RPN2: variants seen among roughly 807,000 people sequenced by gnomAD.
RPN2 encodes the protein dolichyl-diphosphooligosaccharide--protein glycosyltransferase subunit 2.
A neutral mutation model predicts 71.4 loss-of-function variants in RPN2; 29 were observed. That is an observed-to-expected ratio of 0.41 (90% confidence interval 0.30 to 0.55). The LOEUF (loss-of-function observed/expected upper bound fraction) is 0.55, where lower values mean the gene tolerates loss of function less well. Ranked by LOEUF, RPN2 falls within the 20% of genes least tolerant of loss-of-function variation. The pLI, the probability that RPN2 is intolerant of heterozygous loss-of-function variation, is 0.35. For missense variants in RPN2, 726 were observed against 774.1 expected (o/e 0.94, Z 0.74); for synonymous variants, 308 against 305.0 (o/e 1.01, Z -0.10).
At position 37,228,559 on chromosome 20, in the gene RPN2, C is replaced by T; in HGVS notation, c.1309C>T (p.Arg437Ter). Residue 437 changes from arginine (R) to a stop codon, truncating the protein, a stop_gained, in exon 12 of 17, where the codon CGA becomes TGA. Transcript: ENST00000237530. LOFTEE classifies it high-confidence loss of function. ...AELTPHQTFVRLHNQKTGQEV... is the reference protein window; with the variant it reads ...AELTPHQTFV ...TTATTCTTCCATCTAGACATTTGTC[C>T]GACTCCATAACCAGAAGACTGGCCA... 1 of 1,613,962 alleles carries T rather than the reference C, an allele frequency of 6.2e-7. No homozygotes were observed. The highest frequency in any genetic ancestry group is 8.5e-7 in the Non-Finnish European group (1 of 1,179,858).
intron 11 of RPN2, among the ~76,000 whole-genome samples, chr20:37,226,080 C>G (rs1286651574): frequency 6.6e-6 from 1 of 152,022 alleles, no homozygotes; most frequent in African/African-American, 2.4e-5. Context: ...ATTCCTTCCT[C>G]CCTCCCTCCC....
chr20:37,217,932 T>G (rs2067856999), intron 9 of RPN2, among the ~76,000 whole-genome samples: 1 of 151,848 alleles, frequency 6.6e-6, no homozygotes, highest in South Asian at 2.1e-4. Flanking sequence ...GACGGGGTTT[T>G]GCCTTGTTGG....
At chr20:37,201,685 C>G (rs1210579500) in intron 4 of RPN2, among the ~76,000 whole-genome samples, 2 of 152,258 alleles carry the variant, frequency 1.3e-5, no homozygotes, top group African/African-American at 4.8e-5. Context: ...ATATGCAAAC[C>G]TGGAGAATGT....
At chr20:37,238,977 A>G (rs969493819) in intron 16 of RPN2, among the ~76,000 whole-genome samples, 2 of 152,188 alleles carry the variant, frequency 1.3e-5, no homozygotes, top group Non-Finnish European at 2.9e-5. Context: ...CCAGGTTCCT[A>G]GCACTCAGGG....
chr20:37,232,479 C>A, intron 14 of RPN2, 88 bp downstream of exon 14: 3 of 1,501,480 alleles, frequency 2.0e-6, no homozygotes, highest in South Asian at 1.1e-5. Context: ...TGTTGTCTGG[C>A]CTCAGTAAAG....
chr20:37,201,753 C>T (rs367654563), intron 4 of RPN2, among the ~76,000 whole-genome samples: 4 of 152,164 alleles, frequency 2.6e-5, no homozygotes, highest in East Asian at 1.9e-4. Context: ...TACTAATTTG[C>T]GCTATTAAAG....
At chr20:37,182,427 C>G (rs1219170286) in intron 1 of RPN2, among the ~76,000 whole-genome samples, 1 of 151,916 alleles carries the variant, frequency 6.6e-6, no homozygotes, top group Non-Finnish European at 1.5e-5. Context: ...GTCTCTCTTT[C>G]TCACCCAGGG....
chr20:37,211,390 C>A (rs1343059932), intron 8 of RPN2, among the ~76,000 whole-genome samples: 1 of 150,698 alleles, frequency 6.6e-6, no homozygotes, highest in African/African-American at 2.4e-5. Flanking sequence ...GTAATCCCAG[C>A]ACTTTGGGGG....
rs765214512 is a variant in RPN2, at chr20:37,204,800, G to A, written c.589G>A (p.Val197Met). Residue 197 changes from valine to methionine, a missense_variant, in exon 6 of 17, where the codon GTG becomes ATG. Coordinates refer to ENST00000237530, the MANE Select transcript of RPN2 (RefSeq NM_002951.5). The stretch of plus-strand genomic sequence containing the variant: ...TGCTCGCCTGGATGAACTCGGGGGC[G>A]TGTATCTCCAGTTTGAAGAAGGACT... Reference protein sequence around the residue: ...LVARLDELGGVYLQFEEGLET... With the variant: ...LVARLDELGGMYLQFEEGLET... The A allele has an allele frequency of 5.6e-6, 9 of 1,614,008 alleles. No homozygotes were observed. The highest frequency in any genetic ancestry group is 1.1e-5 in the South Asian group (1 of 91,094).
At chr20:37,208,981 T>G (rs946916495) in intron 7 of RPN2, among the ~76,000 whole-genome samples, 2 of 152,190 alleles carry the variant, frequency 1.3e-5, no homozygotes, top group African/African-American at 4.8e-5. Flanking sequence ...GGGTAGAAAG[T>G]AACCTGAGTA....
At chr20:37,220,204 TGA>T (rs773409435) in intron 9 of RPN2, among the ~76,000 whole-genome samples, 2 of 151,962 alleles carry the variant, frequency 1.3e-5, no homozygotes, top group Non-Finnish European at 1.5e-5. Flanking sequence ...TGTGTGTGTG[TGA>T]GTGTGAGAGA....
At chr20:37,199,274 T>C (rs1288148481) in intron 4 of RPN2, 49 bp downstream of exon 4, 1 of 1,604,304 alleles carries the variant, frequency 6.2e-7, no homozygotes, top group Non-Finnish European at 8.5e-7. Flanking sequence ...TCTCGGGTCC[T>C]ATCCGAAGAG....
At chr20:37,224,037 A>ATACTC in intron 10 of RPN2, 68 bp downstream of exon 10, 1 of 1,331,456 alleles carries the variant, frequency 7.5e-7, no homozygotes, top group Non-Finnish European at 1.1e-6. Context: ...ATGCCTAGGC[A>ATACTC]CTGAGCCCTG....
At chr20:37,191,216 C>T (rs904429816) in intron 2 of RPN2, among the ~76,000 whole-genome samples, 1 of 152,150 alleles carries the variant, frequency 6.6e-6, no homozygotes, top group Non-Finnish European at 1.5e-5. Context: ...GTGTCTCAGG[C>T]CTGTAATCTC....
chr20:37,199,259 A>G (rs1408415078), intron 4 of RPN2, 34 bp downstream of exon 4: 6 of 1,609,878 alleles, frequency 3.7e-6, no homozygotes, highest in South Asian at 1.1e-5. Flanking sequence ...CTCAGGCTTC[A>G]TTTGTCTCGG....
chr20:37,216,557 G>A (rs551594397), intron 9 of RPN2, among the ~76,000 whole-genome samples: 30 of 152,062 alleles, frequency 2.0e-4, no homozygotes, highest in African/African-American at 7.2e-4. Flanking sequence ...TGCCTCCGGG[G>A]TTCAAGCGAT....
chr20:37,232,197 C>T, intron 13 of RPN2, 99 bp from the exon 14 acceptor site: 1 of 1,458,840 alleles, frequency 6.9e-7, no homozygotes, highest in Non-Finnish European at 9.6e-7. Flanking sequence ...GCGGCATATC[C>T]TCTTCATGAC....
chr20:37,225,374 G>A (rs2068052451), intron 10 of RPN2, among the ~76,000 whole-genome samples: 1 of 152,218 alleles, frequency 6.6e-6, no homozygotes, highest in South Asian at 2.1e-4. Context: ...GGCCACACGT[G>A]AGCTCCTCTG....
rs760751580 is a variant in RPN2 at position 37,220,834 on chromosome 20, AT to A, written c.1093-3043del. ...TTTGAGTGTTTCCAGAGACCCATTT[AT>A]AGTGAGATTTTAGGAGCAGAAGGAT... On this transcript the variant is annotated intron_variant, in intron 9 of 16. Coordinates refer to ENST00000237530, the MANE Select transcript of RPN2 (RefSeq NM_002951.5). Among the ~76,000 whole-genome samples, 67 of 152,352 alleles carry A rather than the reference AT, an allele frequency of 4.4e-4. 1 individual carries two copies. The highest frequency in any genetic ancestry group is 2.1e-4 in the South Asian group (1 of 4,832).
Sources: gnomAD v4.1 joint callset for allele counts (sites outside exome capture counted in the v4.1 genomes callset) on GRCh38, gnomAD v4.1.1 for gene constraint, MANE v1.5 for transcripts, NCBI Gene and HGNC (gene_info 2026-07-23, HGNC 2026-07-21) for gene names.